Variants in NACC2 observed in about 807,000 individuals in gnomAD.
The protein encoded by NACC2 is nucleus accumbens-associated protein 2.
A neutral mutation model predicts 25.1 loss-of-function variants in NACC2; 8 were observed. The ratio of observed to expected loss-of-function variants is 0.32; its 90% confidence interval spans 0.19 to 0.57. NACC2 has a LOEUF of 0.57. NACC2 is among the 20% of genes least tolerant of loss of function. The pLI is 0.89. For synonymous variants in NACC2, 435 were observed against 294.7 expected, an observed-to-expected ratio of 1.48 and a Z score of -4.88; for missense variants, 644 against 650.2, an observed-to-expected ratio of 0.99 and a Z score of 0.10.
chr9:136,077,639 C>T lies in NACC2; in HGVS notation c.-60+17550G>A, dbSNP rs562692787. On this transcript the variant is annotated intron_variant, in intron 1 of 5. Coordinates refer to ENST00000277554, the MANE Select transcript of NACC2 (RefSeq NM_144653.5). ...GGGCAAGAGCCCAGAACAGGCCCTTCACAGAGGAGAAGGTCCCCAGGCGGT... is the reference window on the plus strand; with the variant it reads ...GGGCAAGAGCCCAGAACAGGCCCTTTACAGAGGAGAAGGTCCCCAGGCGGT... Among the ~76,000 whole-genome samples, 71 of 150,628 alleles carry T rather than the reference C, an allele frequency of 4.7e-4. 1 individual carries two copies. Among genetic ancestry groups the T allele is most frequent in the African/African-American group, 1.6e-3 (65 of 40,736 alleles).
At chr9:136,023,655 T>C (rs1840331671) in intron 2 of NACC2, among the ~76,000 whole-genome samples, 1 of 152,208 alleles carries the variant, frequency 6.6e-6, no homozygotes, top group Admixed American at 6.5e-5. Context: ...ATGGCATCCC[T>C]TTCCTGCTCT....
At chr9:136,063,562 G>A in intron 1 of NACC2, among the ~76,000 whole-genome samples, 1 of 152,152 alleles carries the variant, frequency 6.6e-6, no homozygotes, top group East Asian at 1.9e-4. Flanking sequence ...TCCTACCTGG[G>A]AAGGGTATGC....
intron 2 of NACC2, among the ~76,000 whole-genome samples, chr9:136,039,719 C>A (rs892608213): frequency 7.6e-4 from 115 of 152,218 alleles, no homozygotes; most frequent in African/African-American, 2.6e-3. Context: ...AAACTAAGAA[C>A]ACCCACAAAA....
Position 136,034,488 on chromosome 9 carries a change from C to T in NACC2, c.886+15148G>A, listed in dbSNP as rs1840523075. Among the ~76,000 whole-genome samples, 4 of 152,296 alleles carry T rather than the reference C, an allele frequency of 2.6e-5. No individual in the cohort carries two copies. In the Middle Eastern group the frequency reaches 0.01, roughly 389 times the overall value. On this transcript the variant is annotated intron_variant, in intron 2 of 5. Transcript: ENST00000277554. Reference sequence around the variant, plus strand: ...TAAATATGTAAATTCCTAGCTCTGACTGCTAAAAGGCTATAAAAACAAAAA... The same window carrying T: ...TAAATATGTAAATTCCTAGCTCTGATTGCTAAAAGGCTATAAAAACAAAAA...
At chr9:136,047,873 C>T (rs1840753648) in intron 2 of NACC2, among the ~76,000 whole-genome samples, 1 of 152,184 alleles carries the variant, frequency 6.6e-6, no homozygotes, top group South Asian at 2.1e-4. Flanking sequence ...GGACAAGTCA[C>T]GAGGCTTCAC....
chr9:136,038,557 T>C (rs1295200773), intron 2 of NACC2, among the ~76,000 whole-genome samples: 1 of 152,150 alleles, frequency 6.6e-6, no homozygotes, highest in African/African-American at 2.4e-5. Flanking sequence ...AATAATAATA[T>C]AAATTTTTTT....
intron 1 of NACC2, among the ~76,000 whole-genome samples, chr9:136,074,467 A>AAATTAGCC (rs1588580722): frequency 2.1e-5 from 3 of 144,860 alleles, no homozygotes; most frequent in East Asian, 4.0e-4. Flanking sequence ...AAAAAAAGAA[A>AAATTAGCC]AAAGAAGAAA....
chr9:136,015,616 C>T (rs1840188277), intron 3 of NACC2, among the ~76,000 whole-genome samples: 2 of 152,188 alleles, frequency 1.3e-5, no homozygotes. Context: ...CAGAACTGCT[C>T]AGGCTGTGGC....
At chr9:136,045,154 T>C (rs796637523) in intron 2 of NACC2, among the ~76,000 whole-genome samples, 63,537 of 152,068 alleles carry the variant, frequency 0.42, 13,752 homozygotes, top group Non-Finnish European at 0.48. Flanking sequence ...GACCGCCCCA[T>C]GGAAGTGGGT....
intron 1 of NACC2, among the ~76,000 whole-genome samples, chr9:136,094,673 T>C (rs1052962782): frequency 6.6e-6 from 1 of 151,818 alleles, no homozygotes; most frequent in Non-Finnish European, 1.5e-5. Flanking sequence ...CGGGCCCACC[T>C]GGACCGGGAG....
chr9:136,038,694 T>G (rs912161172), intron 2 of NACC2, among the ~76,000 whole-genome samples: 7 of 152,234 alleles, frequency 4.6e-5, no homozygotes, highest in African/African-American at 1.7e-4. Context: ...TGATGTTAAG[T>G]GCAGGACAAC....
At chr9:136,051,895 AGGAGGAGGAGGAGGAGATGGT>A (rs1215659954) in intron 1 of NACC2, among the ~76,000 whole-genome samples, 19 of 119,082 alleles carry the variant, frequency 1.6e-4, no homozygotes, top group South Asian at 5.4e-4. Flanking sequence ...GAGGAGGAGG[AGGAGGAGGAGGAGGAGATGGT>A]GGAGGAGGAG....
intron 2 of NACC2, among the ~76,000 whole-genome samples, chr9:136,042,586 A>T (rs1840650343): frequency 6.6e-6 from 1 of 152,278 alleles, no homozygotes; most frequent in Non-Finnish European, 1.5e-5. Context: ...TGAACCATCC[A>T]CTAGACCATC....
chr9:136,084,381 TCA>T lies in NACC2; in HGVS notation c.-60+10806_-60+10807del, dbSNP rs1830355773. 6.6e-6 allele frequency among the ~76,000 whole-genome samples: 1 copy of T among 152,042 alleles called. No individual in the cohort carries two copies. The highest frequency in any genetic ancestry group is 2.1e-4 in the South Asian group (1 of 4,818). On this transcript the variant is annotated intron_variant, in intron 1 of 5. Coordinates refer to ENST00000277554, the MANE Select transcript of NACC2 (RefSeq NM_144653.5). This position sits in a 1 kb window ranked among gnomAD's most constrained non-coding sequence, Gnocchi z 5.1. ...GAGGGCTGCTTCCGAGACTCATCCA[TCA>T]CACAGACACCTCCTACGCAATGTCC... is the stretch of plus-strand genomic sequence containing the variant.
At chr9:136,070,407 C>T (rs946303067) in intron 1 of NACC2, among the ~76,000 whole-genome samples, 2 of 151,724 alleles carry the variant, frequency 1.3e-5, no homozygotes, top group Non-Finnish European at 2.9e-5. Context: ...ACTGGGGAGG[C>T]TGAGGCAGAG....
rs962706403 is a variant in NACC2, at chr9:136,050,237, G to A, written c.285C>T (p.Ser95=). The A allele has an allele frequency of 2.6e-6, 2 of 771,954 alleles. No individual in the cohort carries two copies. Among genetic ancestry groups the A allele is most frequent in the Admixed American group, 1.7e-5 (1 of 58,464 alleles). The allele number at this position is 771,954 out of a possible 1,614,324, so 47.8% of individuals were successfully genotyped here. A position where few individuals can be genotyped will look rare whatever the true frequency, so the allele number is the denominator to read the frequency against. ...CCGTGTACATGACCACGAGCTGCTCGCTGGCCGTCATGGTGAGCCTGCCCG... is the reference window on the plus strand; with the variant it reads ...CCGTGTACATGACCACGAGCTGCTCACTGGCCGTCATGGTGAGCCTGCCCG... ...CYTGRLTMTA[S]EQLVVMYTAG... The change falls in exon 2 of 6, where the codon AGC becomes AGT. Residue 95 remains serine, a synonymous_variant. Transcript: ENST00000277554.
chr9:136,074,463 A>AAG (rs1830235224), intron 1 of NACC2, among the ~76,000 whole-genome samples: 1 of 138,962 alleles, frequency 7.2e-6, no homozygotes, highest in East Asian at 2.1e-4. Flanking sequence ...AAAAAAAAAA[A>AAG]GAAAAAAGAA....
chr9:136,023,616 T>A (rs529920149), intron 2 of NACC2, among the ~76,000 whole-genome samples: 2 of 152,298 alleles, frequency 1.3e-5, no homozygotes, highest in African/African-American at 4.8e-5. Flanking sequence ...CCGACAGGGA[T>A]CCCAGCGATG....
chr9:136,041,396 G>A (rs1392914365), intron 2 of NACC2, among the ~76,000 whole-genome samples: 2 of 151,754 alleles, frequency 1.3e-5, no homozygotes, highest in Non-Finnish European at 2.9e-5. Flanking sequence ...CTCCAGCCTG[G>A]GTAAGAGTGA....
Sources: allele counts gnomAD v4.1 joint callset (sites outside exome capture counted in the v4.1 genomes callset), GRCh38; gene constraint gnomAD v4.1.1; non-coding constraint Gnocchi (gnomAD v3.1); transcripts MANE v1.5; gene names NCBI Gene and HGNC (gene_info 2026-07-23, HGNC 2026-07-21).